STXBP5L: variants seen among roughly 807,000 people sequenced by gnomAD.
STXBP5L encodes syntaxin-binding protein 5-like.
A neutral mutation model predicts 144.5 loss-of-function variants in STXBP5L; 65 were observed. The observed-to-expected ratio is 0.45, with a 90% confidence interval of 0.37 to 0.55. STXBP5L has a LOEUF of 0.55. Among genes scored for constraint, STXBP5L ranks in the 20% least tolerant of loss-of-function variants. STXBP5L has a pLI of 0.00. For synonymous variants in STXBP5L, 505 were observed against 469.6 expected (o/e 1.08, Z -0.97); for missense variants, 1,298 against 1,405.5 (o/e 0.92, Z 1.22).
At chr3:121,156,438 C>A (rs1310094846) in intron 8 of STXBP5L, among the ~76,000 whole-genome samples, 6 of 151,888 alleles carry the variant, frequency 4.0e-5, no homozygotes, top group Non-Finnish European at 7.4e-5. Flanking sequence ...TTCTTTTCTG[C>A]CTTTATGTCT....
intron 3 of STXBP5L, among the ~76,000 whole-genome samples, chr3:120,985,237 T>C (rs1038301176): frequency 6.6e-6 from 1 of 152,034 alleles, no homozygotes; most frequent in Non-Finnish European, 1.5e-5. Context: ...AAGGATTGGT[T>C]TTAATCCTTC....
intron 9 of STXBP5L, among the ~76,000 whole-genome samples, chr3:121,167,915 C>A (rs1048691571): frequency 6.6e-6 from 1 of 152,194 alleles, no homozygotes; most frequent in African/African-American, 2.4e-5. Flanking sequence ...GGCCAACAGA[C>A]ACCTCATACA....
intron 20 of STXBP5L, among the ~76,000 whole-genome samples, chr3:121,342,178 G>T (rs1449238386): frequency 1.3e-5 from 2 of 151,988 alleles, no homozygotes; most frequent in African/African-American, 4.8e-5. Context: ...AAGTGAACCT[G>T]CACAGTTCAA....
At chr3:121,341,660 T>A (rs1044425604) in intron 20 of STXBP5L, among the ~76,000 whole-genome samples, 6 of 152,096 alleles carry the variant, frequency 3.9e-5, no homozygotes, top group African/African-American at 1.4e-4. Context: ...ATGGTAGATA[T>A]ACACAATGGA....
intron 13 of STXBP5L, 82 bp from the exon 14 acceptor site, chr3:121,240,358 A>G: frequency 7.7e-7 from 1 of 1,291,292 alleles, no homozygotes; most frequent in Non-Finnish European, 1.1e-6. Flanking sequence ...TGAGCTTTTT[A>G]TCATTATTTT....
At chr3:120,980,669 A>T (rs1024226115) in intron 3 of STXBP5L, among the ~76,000 whole-genome samples, 1 of 152,134 alleles carries the variant, frequency 6.6e-6, no homozygotes, top group African/African-American at 2.4e-5. Flanking sequence ...GCCAATCTAT[A>T]TCTTTCAAGT....
intron 5 of STXBP5L, among the ~76,000 whole-genome samples, chr3:121,085,171 G>T (rs1324256762): frequency 6.6e-6 from 1 of 152,058 alleles, no homozygotes; most frequent in Non-Finnish European, 1.5e-5. Flanking sequence ...TAGGTTTTCT[G>T]TTCATGCTGA....
intron 5 of STXBP5L, among the ~76,000 whole-genome samples, chr3:121,081,461 CT>C (rs2042244610): frequency 6.6e-6 from 1 of 152,086 alleles, no homozygotes. Flanking sequence ...GGTGAAGACT[CT>C]GTATGAGTTA....
In STXBP5L at chr3:121,419,332, C is replaced by A; in HGVS notation, c.*235C>A. 1 of 414,862 alleles carries A rather than the reference C, an allele frequency of 2.4e-6. No individual in the cohort carries two copies. Among genetic ancestry groups the A allele is most frequent in the Non-Finnish European group, 4.2e-6 (1 of 235,876 alleles). 25.7% of individuals were successfully genotyped at this position (414,862 alleles called of 1,614,324 possible). On this transcript the variant is annotated 3_prime_UTR_variant, in exon 27 of 27. Coordinates refer to ENST00000471454, the MANE Select transcript of STXBP5L (RefSeq NM_001308330.2). ...TTGCCTTTTCCCATGTGGAATGGAG[C>A]TATCATCTTGGCATGTCATTCGATA... is the stretch of plus-strand genomic sequence containing the variant.
chr3:121,398,022 TA>T (rs1236662756), intron 22 of STXBP5L, among the ~76,000 whole-genome samples: 1 of 152,246 alleles, frequency 6.6e-6, no homozygotes, highest in Non-Finnish European at 1.5e-5. Flanking sequence ...ATTTACCCAA[TA>T]AGCAGCTTTG....
chr3:121,031,753 A>T (rs1196942555), intron 3 of STXBP5L, among the ~76,000 whole-genome samples: 2 of 152,192 alleles, frequency 1.3e-5, no homozygotes. Flanking sequence ...CCACTACACA[A>T]GGAGACCAGT....
At chr3:121,002,741 T>A (rs1943894889) in intron 3 of STXBP5L, among the ~76,000 whole-genome samples, 1 of 148,672 alleles carries the variant, frequency 6.7e-6, no homozygotes, top group Non-Finnish European at 1.5e-5. Context: ...GTGTGTGATG[T>A]TCCCCTTCCT....
chr3:121,204,695 G>T (rs138771273), intron 9 of STXBP5L, among the ~76,000 whole-genome samples: 2 of 145,260 alleles, frequency 1.4e-5, no homozygotes, highest in South Asian at 4.4e-4. Flanking sequence ...ATAAACAACT[G>T]TGGTAATACA....
rs142882952 is a variant in STXBP5L at position 120,966,201 on chromosome 3, A to G, written c.287+11164A>G. Among the ~76,000 whole-genome samples the G allele has an allele frequency of 3.9e-3, 593 of 152,240 alleles. 7 individuals carry two copies. Among genetic ancestry groups the G allele is most frequent in the African/African-American group, 8.3e-3 (346 of 41,550 alleles). On this transcript the variant is annotated intron_variant, in intron 3 of 26. Coordinates refer to ENST00000471454, the MANE Select transcript of STXBP5L (RefSeq NM_001308330.2). ...CATCTTATCTTTTGTCAAGGTTTTT[A>G]GCTTCCTTGCAATGGGTTCAAACAT...
At chr3:121,325,613 GA>G (rs1192104022) in intron 20 of STXBP5L, among the ~76,000 whole-genome samples, 1 of 151,738 alleles carries the variant, frequency 6.6e-6, no homozygotes, top group Non-Finnish European at 1.5e-5. Flanking sequence ...TGAAACATCA[GA>G]AAAAATATAG....
intron 9 of STXBP5L, among the ~76,000 whole-genome samples, chr3:121,171,424 T>A (rs575915082): frequency 6.6e-6 from 1 of 152,184 alleles, no homozygotes; most frequent in Non-Finnish European, 1.5e-5. Context: ...ATTGTCTCTG[T>A]TAGCAGATGA....
intron 7 of STXBP5L, among the ~76,000 whole-genome samples, chr3:121,133,233 A>G (rs958877796): frequency 3.9e-5 from 6 of 152,138 alleles, no homozygotes; most frequent in Non-Finnish European, 4.4e-5. Flanking sequence ...GTAATGATTG[A>G]AAGCCTCTCA....
intron 20 of STXBP5L, among the ~76,000 whole-genome samples, chr3:121,350,053 TC>T (rs1405347365): frequency 2.0e-5 from 3 of 152,170 alleles, no homozygotes. Flanking sequence ...CTCCCTAGCC[TC>T]AATGGTCTTT....
intron 3 of STXBP5L, among the ~76,000 whole-genome samples, chr3:121,000,467 A>T (rs1321767562): frequency 6.6e-6 from 1 of 151,712 alleles, no homozygotes; most frequent in African/African-American, 2.4e-5. Flanking sequence ...CAGATCAGTT[A>T]GGTTCTTTCT....
Sources: gnomAD v4.1 joint callset for allele counts (sites outside exome capture counted in the v4.1 genomes callset) on GRCh38, gnomAD v4.1.1 for gene constraint, MANE v1.5 for transcripts, NCBI Gene and HGNC (gene_info 2026-07-23, HGNC 2026-07-21) for gene names.